GRM1: variants seen among roughly 807,000 people sequenced by gnomAD.
The protein encoded by GRM1 is glutamate metabotropic receptor 1.
GRM1 carries 33 observed loss-of-function variants against 90.9 expected under a neutral mutation model. The observed-to-expected ratio is 0.36, with a 90% CI of 0.28 to 0.49. GRM1 has a LOEUF of 0.49. Ranked by LOEUF, GRM1 falls within the 20% of genes least tolerant of loss-of-function variation. The pLI, the probability that GRM1 is intolerant of heterozygous loss-of-function variation, is 0.99. For missense variants in GRM1, 1,190 were observed against 1,534.3 expected, an observed-to-expected ratio of 0.78 and a Z score of 3.75; for synonymous variants, 700 against 613.2, an observed-to-expected ratio of 1.14 and a Z score of -2.09.
chr6:146,148,340 T>A (rs933698893), intron 1 of GRM1, among the ~76,000 whole-genome samples: 19 of 152,160 alleles, frequency 1.2e-4, no homozygotes, highest in African/African-American at 4.6e-4. Flanking sequence ...AAACTATTGT[T>A]AACATTTTTA....
chr6:146,176,939 T>A (rs563269100), intron 2 of GRM1, among the ~76,000 whole-genome samples: 1 of 152,192 alleles, frequency 6.6e-6, no homozygotes, highest in South Asian at 2.1e-4. Context: ...TATTAACATC[T>A]CTCATATTAG....
intron 1 of GRM1, among the ~76,000 whole-genome samples, chr6:146,063,039 C>T (rs1220827845): frequency 3.3e-5 from 5 of 152,032 alleles, no homozygotes; most frequent in Non-Finnish European, 2.9e-5. Flanking sequence ...TAAGTCCAAT[C>T]GGATGTGATA....
At position 146,398,899 on chromosome 6, in the gene GRM1, A is replaced by G. The variant is rs760274264; in HGVS notation, c.1860A>G (p.Thr620=). ...TAATCTTTGTACTGTACCGGGACACACCAGTGGTCAAATCCTCCAGTCGGG... is the reference window on the plus strand; with the variant it reads ...TAATCTTTGTACTGTACCGGGACACGCCAGTGGTCAAATCCTCCAGTCGGG... ...VTLIFVLYRD[T]PVVKSSSREL... Residue 620 remains threonine, a synonymous_variant, in exon 7 of 8, where the codon ACA becomes ACG. Transcript: ENST00000282753. The G allele has an allele frequency of 8.1e-6, 13 of 1,613,976 alleles. No homozygotes were observed. In the South Asian group the frequency reaches 1.4e-4, roughly 18 times the overall value.
intron 1 of GRM1, among the ~76,000 whole-genome samples, chr6:146,069,338 T>C (rs1775953080): frequency 6.6e-6 from 1 of 152,172 alleles, no homozygotes; most frequent in Admixed American, 6.5e-5. Context: ...TCATATTACA[T>C]TACATTACAT....
At chr6:146,267,692 G>GTCTCGT (rs1781960488) in intron 2 of GRM1, among the ~76,000 whole-genome samples, 1 of 109,760 alleles carries the variant, frequency 9.1e-6, no homozygotes, top group African/African-American at 5.8e-5. Flanking sequence ...GCTCGGCTCG[G>GTCTCGT]CTCGGCTCGG....
At chr6:146,088,053 C>T (rs1776602893) in intron 1 of GRM1, among the ~76,000 whole-genome samples, 1 of 152,086 alleles carries the variant, frequency 6.6e-6, no homozygotes, top group Non-Finnish European at 1.5e-5. Context: ...TTTTACATTC[C>T]CACTAGAAAT....
chr6:146,209,420 C>T (rs1287159427), intron 2 of GRM1, among the ~76,000 whole-genome samples: 1 of 152,062 alleles, frequency 6.6e-6, no homozygotes, highest in Non-Finnish European at 1.5e-5. Context: ...TTTTTCCATT[C>T]TGACTTCATT....
At chr6:146,169,796 A>C (rs575931733) in intron 2 of GRM1, among the ~76,000 whole-genome samples, 1 of 152,158 alleles carries the variant, frequency 6.6e-6, no homozygotes, top group Non-Finnish European at 1.5e-5. Context: ...CAGTTGGTTC[A>C]TATATTTTAT....
intron 2 of GRM1, among the ~76,000 whole-genome samples, chr6:146,173,549 G>A (rs1778221665): frequency 6.6e-6 from 1 of 151,996 alleles, no homozygotes; most frequent in African/African-American, 2.4e-5. Flanking sequence ...AAGAGCCACT[G>A]CCTTAATCAT....
intron 6 of GRM1, among the ~76,000 whole-genome samples, chr6:146,391,871 A>G (rs1016239743): frequency 6.6e-6 from 1 of 152,110 alleles, no homozygotes; most frequent in Non-Finnish European, 1.5e-5. Context: ...CAATCATAGT[A>G]GAATTGCAAG....
chr6:146,173,668 C>CTT (rs555503367), intron 2 of GRM1, among the ~76,000 whole-genome samples: 43 of 134,442 alleles, frequency 3.2e-4, no homozygotes, highest in African/African-American at 7.0e-4. Flanking sequence ...TCCTGAGGTT[C>CTT]TTTTTTTTTT....
intron 2 of GRM1, among the ~76,000 whole-genome samples, chr6:146,170,273 T>G (rs1778063603): frequency 6.6e-6 from 1 of 152,164 alleles, no homozygotes. Context: ...TTACTTAGAG[T>G]TCATTCTTGC....
chr6:146,407,811 C>T (rs3804301), intron 7 of GRM1, among the ~76,000 whole-genome samples: 2,509 of 152,136 alleles, frequency 0.016, 60 homozygotes, highest in East Asian at 0.055. Context: ...TTATTATTCA[C>T]GCATTAAATT....
At chr6:146,398,695 T>G in intron 6 of GRM1, 74 bp from the exon 7 acceptor site, 1 of 985,534 alleles carries the variant, frequency 1.0e-6, no homozygotes, top group Admixed American at 1.7e-5. Context: ...ACTGTGTCTC[T>G]GGTAATTAAT....
intron 2 of GRM1, among the ~76,000 whole-genome samples, chr6:146,188,618 A>G (rs1027558758): frequency 2.6e-5 from 4 of 152,348 alleles, no homozygotes; most frequent in Admixed American, 1.3e-4. Context: ...TTATTAAGTA[A>G]TGAGATGATT....
At chr6:146,314,051 CTTTTTTTTTTTTTTTTTTTTT>C (rs552986343) in intron 3 of GRM1, among the ~76,000 whole-genome samples, 98 of 62,018 alleles carry the variant, frequency 1.6e-3, no homozygotes, top group Admixed American at 0.011. Context: ...TAGTTAATTC[CTTTTTTTTTTTTTTTTTTTTT>C]TTTTTTTTTT....
chr6:146,071,845 A>C (rs1776026933), intron 1 of GRM1, among the ~76,000 whole-genome samples: 1 of 152,130 alleles, frequency 6.6e-6, no homozygotes, highest in South Asian at 2.1e-4. Context: ...TGTGTTTACC[A>C]GTCATTCAAT....
At chr6:146,324,601 GA>G (rs1044839477) in intron 3 of GRM1, among the ~76,000 whole-genome samples, 1 of 152,162 alleles carries the variant, frequency 6.6e-6, no homozygotes, top group Admixed American at 6.5e-5. Flanking sequence ...AAGACAGCAG[GA>G]AAAGTGTAGT....
rs558424006 is a variant in GRM1, at chr6:146,031,540, G to A, written c.700+1323G>A. On this transcript the variant is annotated intron_variant, in intron 1 of 7. Coordinates refer to ENST00000282753, the MANE Select transcript of GRM1 (RefSeq NM_001278064.2). The stretch of plus-strand genomic sequence containing the variant: ...TTCAGAACAAACATAAATGATATAG[G>A]ATTACACATTATAATTTCAGATTTT... Among the ~76,000 whole-genome samples the A allele has an allele frequency of 1.1e-4, 16 of 152,146 alleles. 1 individual carries two copies. In the South Asian group the frequency reaches 3.3e-3, roughly 32 times the overall value.
Sources: allele counts gnomAD v4.1 joint callset (sites outside exome capture counted in the v4.1 genomes callset), GRCh38; gene constraint gnomAD v4.1.1; transcripts MANE v1.5; gene names NCBI Gene and HGNC (gene_info 2026-07-23, HGNC 2026-07-21).